The following IL12RB2 variants were observed in gnomAD, a reference collection of about 807,000 sequenced individuals.
IL12RB2 encodes interleukin 12 receptor subunit beta 2, also known as interleukin-12 receptor subunit beta-2.
Under a neutral mutation model 89.4 loss-of-function variants are expected in IL12RB2, and 82 were observed. The observed-to-expected ratio is 0.92, with a 90% CI of 0.77 to 1.10. IL12RB2 has a LOEUF of 1.10. IL12RB2 is among the 50% of genes least tolerant of loss of function. The probability of loss-of-function intolerance (pLI) is 0.00; values close to 1 mark genes in which losing one functional copy is unlikely to be tolerated. For missense variants in IL12RB2, 963 were observed against 1,031.9 expected (o/e 0.93, Z 0.92); for synonymous variants, 368 against 370.1 (o/e 0.99, Z 0.07).
At chr1:67,378,495 A>C (rs1009932049) in intron 13 of IL12RB2, among the ~76,000 whole-genome samples, 8 of 152,202 alleles carry the variant, frequency 5.3e-5, no homozygotes, top group African/African-American at 1.7e-4. Context: ...AGACTGAATA[A>C]GATCCTCATT....
At chr1:67,363,552 G>A (rs1662362139) in intron 10 of IL12RB2, among the ~76,000 whole-genome samples, 1 of 152,134 alleles carries the variant, frequency 6.6e-6, no homozygotes, top group Admixed American at 6.5e-5. Context: ...ATAGATAGCA[G>A]TTTATTCAAA....
chr1:67,326,824 C>T lies in IL12RB2; in HGVS notation c.454C>T (p.His152Tyr), dbSNP rs764987739. ...ACTWERGRDT[H>Y]LYTEYTLQLS... ...CACCTGGGAAAGAGGACGAGACACC[C>T]ACTTATACACTGAGTATACTCTACA... Residue 152 changes from histidine (H) to tyrosine (Y), a missense_variant, in exon 5 of 17, where the codon CAC becomes TAC. Coordinates refer to ENST00000674203, the MANE Select transcript of IL12RB2 (RefSeq NM_001374259.2). 1 of 1,613,440 alleles carries T rather than the reference C, an allele frequency of 6.2e-7. No individual in the cohort carries two copies. The highest frequency in any genetic ancestry group is 2.2e-5 in the East Asian group (1 of 44,868).
Position 67,326,793 on chromosome 1 carries a change from G to A in IL12RB2, c.423G>A (p.Val141=), listed in dbSNP as rs1657349751. 5 of 1,613,820 alleles carry A rather than the reference G, an allele frequency of 3.1e-6. No homozygotes were observed. Among genetic ancestry groups the A allele is most frequent in the Non-Finnish European group, 4.2e-6 (5 of 1,179,854 alleles). The change falls in exon 5 of 17, where the codon GTG becomes GTA. Residue 141 remains valine, a synonymous_variant. Coordinates refer to ENST00000674203, the MANE Select transcript of IL12RB2 (RefSeq NM_001374259.2). ...TACAGAAGGGAGAACAGGGGACTGTGGCCTGCACCTGGGAAAGAGGACGAG... is the reference window on the plus strand; with the variant it reads ...TACAGAAGGGAGAACAGGGGACTGTAGCCTGCACCTGGGAAAGAGGACGAG... ...SCIQKGEQGT[V]ACTWERGRDT...
intron 8 of IL12RB2, among the ~76,000 whole-genome samples, chr1:67,333,908 G>A (rs1023164532): frequency 1.3e-5 from 2 of 152,194 alleles, no homozygotes; most frequent in African/African-American, 2.4e-5. Flanking sequence ...TTACCAATAT[G>A]TCTCTGTCTG....
At chr1:67,356,248 C>A (rs962830166) in intron 10 of IL12RB2, among the ~76,000 whole-genome samples, 2 of 152,188 alleles carry the variant, frequency 1.3e-5, no homozygotes, top group Non-Finnish European at 2.9e-5. Flanking sequence ...GGCTGAGTTC[C>A]CCCTCTGGGG....
At chr1:67,313,018 G>C (rs529593567) in intron 1 of IL12RB2, among the ~76,000 whole-genome samples, 1 of 152,360 alleles carries the variant, frequency 6.6e-6, no homozygotes, top group East Asian at 1.9e-4. Context: ...TTATGAATGG[G>C]GCCGGTTTGA....
intron 1 of IL12RB2, among the ~76,000 whole-genome samples, chr1:67,310,773 G>A (rs12131208): frequency 0.12 from 18,694 of 152,152 alleles, 1,313 homozygotes; most frequent in East Asian, 0.17. Context: ...TCGCCAGGCT[G>A]GAGTGCAGTG....
At chr1:67,330,872 G>A in intron 8 of IL12RB2, 62 bp downstream of exon 8, 7 of 900,534 alleles carry the variant, frequency 7.8e-6, no homozygotes, top group South Asian at 2.6e-5. Context: ...GGGGGAAGAT[G>A]TAATGATTTC....
In IL12RB2 at chr1:67,372,503, C is replaced by T. The variant is rs765269417; in HGVS notation, c.1527C>T (p.Cys509=). ...VYALSGDQGG[C]SSILGNSKHK... ...CACTCTCAGGGGATCAAGGAGGATG[C>T]AGCTCCATCCTGGGTAACTCTAAGC... The change falls in exon 12 of 17, where the codon TGC becomes TGT. Residue 509 remains cysteine, a synonymous_variant. Transcript: ENST00000674203. The T allele has an allele frequency of 5.0e-6, 8 of 1,598,236 alleles. No homozygotes were observed. The highest frequency in any genetic ancestry group is 1.7e-4 in the Middle Eastern group (1 of 6,054).
intron 9 of IL12RB2, among the ~76,000 whole-genome samples, chr1:67,348,002 TA>T (rs2100822475): frequency 6.6e-6 from 1 of 152,234 alleles, no homozygotes; most frequent in East Asian, 1.9e-4. Flanking sequence ...ACATTAGACA[TA>T]AAACTCCTGG....
At chr1:67,383,333 A>C (rs998323862) in intron 14 of IL12RB2, among the ~76,000 whole-genome samples, 4 of 152,210 alleles carry the variant, frequency 2.6e-5, no homozygotes, top group Non-Finnish European at 5.9e-5. Context: ...CATGGGAACT[A>C]CAATTCAAGA....
Position 67,386,559 on chromosome 1 carries a change from A to G in IL12RB2, c.1856-20A>G, listed in dbSNP as rs368819495. The G allele has an allele frequency of 6.4e-6, 10 of 1,555,920 alleles. No homozygotes were observed. Among genetic ancestry groups the G allele is most frequent in the Non-Finnish European group, 8.0e-6 (9 of 1,127,112 alleles). On this transcript the variant is annotated intron_variant, in intron 14 of 16. Coordinates refer to ENST00000674203, the MANE Select transcript of IL12RB2 (RefSeq NM_001374259.2). ...CATTGGTGATAACTCACTCAGTCAC[A>G]GGATTTCCTAACTTTTCAGGTAAAG...
intron 1 of IL12RB2, among the ~76,000 whole-genome samples, chr1:67,312,272 C>A (rs1054236885): frequency 6.6e-6 from 1 of 152,100 alleles, no homozygotes; most frequent in African/African-American, 2.4e-5. Context: ...GAGAGTGAAT[C>A]AGAGAAGGCT....
intron 9 of IL12RB2, among the ~76,000 whole-genome samples, chr1:67,347,821 C>T (rs1211117578): frequency 1.3e-5 from 2 of 152,134 alleles, no homozygotes; most frequent in Non-Finnish European, 2.9e-5. Context: ...TGGAGACACT[C>T]CCAGGGATGC....
intron 8 of IL12RB2, among the ~76,000 whole-genome samples, chr1:67,331,231 G>A (rs900653682): frequency 2.0e-5 from 3 of 152,128 alleles, no homozygotes; most frequent in Non-Finnish European, 4.4e-5. Flanking sequence ...AAAGAAAGTA[G>A]GCTCTGGAGA....
At chr1:67,349,341 T>TATC (rs1278278799) in intron 9 of IL12RB2, among the ~76,000 whole-genome samples, 1 of 152,194 alleles carries the variant, frequency 6.6e-6, no homozygotes, top group East Asian at 1.9e-4. Context: ...GTAACAGTCC[T>TATC]ATCTCTGGAC....
intron 11 of IL12RB2, among the ~76,000 whole-genome samples, chr1:67,369,895 G>A (rs1039212776): frequency 1.1e-4 from 16 of 151,846 alleles, no homozygotes; most frequent in Admixed American, 6.6e-4. Flanking sequence ...GGTGGTGGGC[G>A]CCTATAATCC....
intron 13 of IL12RB2, 152 bp downstream of exon 13, chr1:67,372,935 T>C: frequency 1.4e-6 from 1 of 705,480 alleles, no homozygotes; most frequent in Non-Finnish European, 2.6e-6. Flanking sequence ...GTTAACTGAA[T>C]GAAGAATTAG....
chr1:67,387,316 T>C (rs1248619495), intron 15 of IL12RB2, among the ~76,000 whole-genome samples: 1 of 152,136 alleles, frequency 6.6e-6, no homozygotes, highest in Admixed American at 6.6e-5. Context: ...TGAGACAACC[T>C]AAACGCCCAA....
Sources: gnomAD v4.1 joint callset for allele counts (sites outside exome capture counted in the v4.1 genomes callset) on GRCh38, gnomAD v4.1.1 for gene constraint, MANE v1.5 for transcripts, NCBI Gene and HGNC (gene_info 2026-07-23, HGNC 2026-07-21) for gene names.